The following HADHA variants were observed in gnomAD, a reference collection of about 807,000 sequenced individuals.
HADHA encodes the protein trifunctional enzyme subunit alpha, mitochondrial.
HADHA carries 59 observed loss-of-function variants against 91.3 expected under a neutral mutation model. The observed-to-expected ratio is 0.65, with a 90% CI of 0.52 to 0.80. HADHA has a LOEUF of 0.80. Among genes scored for constraint, HADHA ranks in the 30% least tolerant of loss-of-function variants. The probability of loss-of-function intolerance (pLI) is 0.00; values close to 1 mark genes in which losing one functional copy is unlikely to be tolerated. For synonymous variants in HADHA, 320 were observed against 338.9 expected (o/e 0.94, Z 0.61); for missense variants, 800 against 927.6 (o/e 0.86, Z 1.79).
At chr2:26,228,786 C>T (rs1180314116) in intron 7 of HADHA, among the ~76,000 whole-genome samples, 9 of 152,088 alleles carry the variant, frequency 5.9e-5, no homozygotes, top group Admixed American at 5.9e-4. Context: ...ATATTCCTGT[C>T]TCAGCCTCCT....
In HADHA at chr2:26,203,912, C is replaced by T. The variant is rs1041886210; in HGVS notation, c.1220+150G>A. On this transcript the variant is annotated intron_variant, in intron 12 of 19. Coordinates refer to ENST00000380649, the MANE Select transcript of HADHA (RefSeq NM_000182.5). ...AATCAAAAGAAACTTGGCTTCACTACGGAGTATCTAGAACTCATTATGTTC... is the reference window on the plus strand; with the variant it reads ...AATCAAAAGAAACTTGGCTTCACTATGGAGTATCTAGAACTCATTATGTTC... The T allele has an allele frequency of 3.2e-5, 25 of 784,556 alleles. No individual in the cohort carries two copies. In the East Asian group the frequency reaches 4.2e-4, roughly 13 times the overall value. The allele number at this position is 784,556 out of a possible 1,614,324, so 48.6% of individuals were successfully genotyped here. A position where few individuals can be genotyped will look rare whatever the true frequency, so the allele number is the denominator to read the frequency against.
In HADHA at chr2:26,197,678, G is replaced by A; in HGVS notation, c.1479+13C>T. 8.2e-7 allele frequency: 1 copy of A among 1,222,010 alleles called. No homozygotes were observed. The highest frequency in any genetic ancestry group is 1.2e-6 in the Non-Finnish European group (1 of 821,588). 75.7% of individuals were successfully genotyped at this position (1,222,010 alleles called of 1,614,324 possible). On this transcript the variant is annotated intron_variant, in intron 14 of 19. Transcript: ENST00000380649. ...ATAAAACATCTCAGGGTTTTTCTCTGTTCCGAGTTTACCTTCTCAGGTCTT... is the reference window on the plus strand; with the variant it reads ...ATAAAACATCTCAGGGTTTTTCTCTATTCCGAGTTTACCTTCTCAGGTCTT...
chr2:26,212,522 T>C, intron 10 of HADHA, 48 bp downstream of exon 10: 1 of 1,192,554 alleles, frequency 8.4e-7, no homozygotes, highest in Non-Finnish European at 1.3e-6. Context: ...ATTGGATCTT[T>C]AGTTTTCCTT....
intron 1 of HADHA, among the ~76,000 whole-genome samples, chr2:26,242,993 C>T (rs1164893568): frequency 6.6e-5 from 10 of 152,186 alleles, no homozygotes; most frequent in East Asian, 3.8e-4. Flanking sequence ...CCTCGTGATC[C>T]GCCCGCCTGG....
chr2:26,220,285 A>G (rs996640443), intron 7 of HADHA, among the ~76,000 whole-genome samples: 1 of 152,222 alleles, frequency 6.6e-6, no homozygotes, highest in African/African-American at 2.4e-5. Context: ...TGGAGCAGAC[A>G]TACTCAGCAA....
At position 26,229,512 on chromosome 2, in the gene HADHA, G is replaced by A. The variant is rs1210355564; in HGVS notation, c.676+680C>T. ...AGGCAAAGAAACTGAATGGGAGGAA[G>A]TAGCCCATCAGTAGATATCAATTAT... On this transcript the variant is annotated intron_variant, in intron 7 of 19. Transcript: ENST00000380649. The surrounding 1 kb of genome is among the most constrained non-coding windows in gnomAD (Gnocchi z 4.3). Among the ~76,000 whole-genome samples, 1 of 152,158 alleles carries A rather than the reference G, an allele frequency of 6.6e-6. No individual in the cohort carries two copies. Among genetic ancestry groups the A allele is most frequent in the Non-Finnish European group, 1.5e-5 (1 of 68,030 alleles).
chr2:26,206,081 G>A (rs570680309), intron 11 of HADHA, among the ~76,000 whole-genome samples: 5 of 151,984 alleles, frequency 3.3e-5, no homozygotes, highest in African/African-American at 4.8e-5. Context: ...AGGGAGGATC[G>A]CTTGAGCTCA....
intron 7 of HADHA, among the ~76,000 whole-genome samples, chr2:26,216,084 A>G (rs1670212591): frequency 1.3e-5 from 2 of 152,204 alleles, no homozygotes; most frequent in Non-Finnish European, 2.9e-5. Flanking sequence ...CCTGGGCAAC[A>G]TAGTGAGACC....
Position 26,230,195 on chromosome 2 carries a change from G to T in HADHA, c.673C>A (p.Leu225Met). The T allele has an allele frequency of 6.3e-7, 1 of 1,578,874 alleles. No individual in the cohort carries two copies. The highest frequency in any genetic ancestry group is 8.7e-7 in the Non-Finnish European group (1 of 1,147,858). ...MGLVDQLVEP[L>M]GPGLKPPEER... ...TCTGAGATGTGCTAACACTTACCCA[G>T]GGGTTCCACCAGTTGGTCAACCAGT... Residue 225 changes from leucine (L) to methionine (M), a missense_variant, in exon 7 of 20, where the codon CTG becomes ATG. Physicochemically the swap from Leu to Met is conservative, Grantham distance 15. Transcript: ENST00000380649.
chr2:26,202,364 G>A (rs1478355175), intron 12 of HADHA, among the ~76,000 whole-genome samples: 1 of 152,108 alleles, frequency 6.6e-6, no homozygotes, highest in African/African-American at 2.4e-5. Context: ...TCTAAATGAA[G>A]AATGAAGCTA....
intron 14 of HADHA, among the ~76,000 whole-genome samples, chr2:26,196,788 C>A (rs148192942): frequency 6.6e-6 from 1 of 152,162 alleles, no homozygotes; most frequent in Non-Finnish European, 1.5e-5. Flanking sequence ...GCAACGGCAT[C>A]GCCTGTACTG....
At chr2:26,215,345 A>C (rs1406085594) in intron 7 of HADHA, among the ~76,000 whole-genome samples, 170 bp from the exon 8 acceptor site, 1 of 152,182 alleles carries the variant, frequency 6.6e-6, no homozygotes, top group Admixed American at 6.5e-5. Context: ...GGAAATCACA[A>C]TGAATAGAGG....
At chr2:26,194,268 C>A (rs557069701) in intron 16 of HADHA, among the ~76,000 whole-genome samples, 11 of 152,156 alleles carry the variant, frequency 7.2e-5, no homozygotes, top group Non-Finnish European at 1.3e-4. Context: ...GGGCCCTGTT[C>A]TGGATGGTCC....
Position 26,191,298 on chromosome 2 carries a change from C to T in HADHA, c.2244G>A (p.Gln748=), listed in dbSNP as rs747585542. 1.2e-6 allele frequency: 2 copies of T among 1,613,496 alleles called. No individual in the cohort carries two copies. Among genetic ancestry groups the T allele is most frequent in the South Asian group, 2.2e-5 (2 of 91,050 alleles). Reference sequence around the variant, plus strand: ...GGCTGTTAGCATGGTCAGCTAGCAGCTGGCATGGGGTGAACTGTTTTCCAT... The same window carrying T: ...GGCTGTTAGCATGGTCAGCTAGCAGTTGGCATGGGGTGAACTGTTTTCCAT... ...AAYGKQFTPC[Q]LLADHANSPN... is the part of the protein sequence containing the mutation. The change falls in exon 20 of 20, where the codon CAG becomes CAA. Residue 748 remains glutamine, a synonymous_variant. Transcript: ENST00000380649.
rs748476188 is a variant in HADHA at position 26,239,155 on chromosome 2, G to C, written c.68-12C>G. ...GCGGCATATATAACCTGTAAGAAAA[G>C]ACATTTCAAAATTAATTTGCGAAAC... On this transcript the variant is annotated splice_polypyrimidine_tract_variant and intron_variant, in intron 1 of 19. Transcript: ENST00000380649. The C allele has an allele frequency of 9.5e-6, 15 of 1,576,832 alleles. No individual in the cohort carries two copies. Among genetic ancestry groups the C allele is most frequent in the Non-Finnish European group, 1.2e-5 (14 of 1,146,448 alleles).
intron 7 of HADHA, 80 bp downstream of exon 7, chr2:26,230,112 C>T (rs1201001434): frequency 1.5e-5 from 13 of 880,052 alleles, no homozygotes; most frequent in East Asian, 1.0e-4. Flanking sequence ...TGTGAGCCAC[C>T]GTGCCTGGCC....
intron 4 of HADHA, among the ~76,000 whole-genome samples, chr2:26,235,493 G>A (rs1206022449): frequency 6.6e-6 from 1 of 152,176 alleles, no homozygotes; most frequent in East Asian, 1.9e-4. Context: ...TGGCCTCATA[G>A]AAGCTACATG....
At chr2:26,235,583 A>G (rs1182852884) in intron 4 of HADHA, among the ~76,000 whole-genome samples, 3 of 152,158 alleles carry the variant, frequency 2.0e-5, no homozygotes, top group Non-Finnish European at 4.4e-5. Flanking sequence ...GTTTAATGTT[A>G]ATTTTTTAGA....
intron 1 of HADHA, among the ~76,000 whole-genome samples, chr2:26,239,593 G>A (rs1265356603): frequency 6.6e-6 from 1 of 152,106 alleles, no homozygotes; most frequent in African/African-American, 2.4e-5. Context: ...AATAGGGGAG[G>A]ATCATCAGTA....
Sources: allele counts gnomAD v4.1 joint callset (sites outside exome capture counted in the v4.1 genomes callset), GRCh38; gene constraint gnomAD v4.1.1; non-coding constraint Gnocchi (gnomAD v3.1); transcripts MANE v1.5; gene names NCBI Gene and HGNC (gene_info 2026-07-23, HGNC 2026-07-21).